The following HECTD2 variants were observed in gnomAD, a reference collection of about 807,000 sequenced individuals.
HECTD2 encodes probable E3 ubiquitin-protein ligase HECTD2.
Under a neutral mutation model 103.2 loss-of-function variants are expected in HECTD2, and 35 were observed. The ratio of observed to expected loss-of-function variants is 0.34; its 90% CI spans 0.26 to 0.45. The LOEUF is 0.45. Ranked by LOEUF, HECTD2 falls within the 20% of genes least tolerant of loss-of-function variation. The probability of loss-of-function intolerance (pLI) is 1.00; values close to 1 mark genes in which losing one functional copy is unlikely to be tolerated. For missense variants in HECTD2, 596 were observed against 937.4 expected, an observed-to-expected ratio of 0.64 and a Z score of 4.76; for synonymous variants, 281 against 329.9, an observed-to-expected ratio of 0.85 and a Z score of 1.61.
chr10:91,495,519 A>G (rs922284117), intron 14 of HECTD2, among the ~76,000 whole-genome samples: 2 of 152,126 alleles, frequency 1.3e-5, no homozygotes, highest in African/African-American at 4.8e-5. Flanking sequence ...TTTATATAAT[A>G]ATTGACTGTT....
At chr10:91,495,210 G>A (rs1428640220) in intron 14 of HECTD2, among the ~76,000 whole-genome samples, 2 of 151,858 alleles carry the variant, frequency 1.3e-5, no homozygotes, top group Non-Finnish European at 2.9e-5. Flanking sequence ...GTAAGGAGTT[G>A]GGAACTGAAA....
intron 2 of HECTD2, among the ~76,000 whole-genome samples, chr10:91,451,121 C>G (rs534739714): frequency 6.6e-6 from 1 of 152,272 alleles, no homozygotes; most frequent in Non-Finnish European, 1.5e-5. Context: ...GGAACCAACC[C>G]AAATGCCCGT....
intron 1 of HECTD2, among the ~76,000 whole-genome samples, chr10:91,419,342 C>T (rs911225240): frequency 1.3e-5 from 2 of 151,990 alleles, no homozygotes; most frequent in African/African-American, 4.8e-5. Flanking sequence ...AAAGTAGGAA[C>T]TCATGTATTC....
At chr10:91,449,702 C>T (rs1390106360) in intron 2 of HECTD2, among the ~76,000 whole-genome samples, 2 of 152,142 alleles carry the variant, frequency 1.3e-5, no homozygotes, top group African/African-American at 2.4e-5. Flanking sequence ...TCTCAGGATA[C>T]AAAATCAATG....
Position 91,513,816 on chromosome 10 carries a change from C to T in HECTD2, c.*1432C>T, listed in dbSNP as rs771782775. On this transcript the variant is annotated 3_prime_UTR_variant, in exon 21 of 21. Transcript: ENST00000298068. Reference sequence around the variant, plus strand: ...CTTCCTGCACCCAACCAGCAGAATTCTTCCAGGGTGGAGGAACTAATCAGC... The same window carrying T: ...CTTCCTGCACCCAACCAGCAGAATTTTTCCAGGGTGGAGGAACTAATCAGC... The T allele has an allele frequency of 1.3e-5, 2 of 152,618 alleles. No homozygotes were observed. Among genetic ancestry groups the T allele is most frequent in the Non-Finnish European group, 2.9e-5 (2 of 68,030 alleles). 9.5% of individuals were successfully genotyped at this position (152,618 alleles called of 1,614,324 possible).
intron 2 of HECTD2, among the ~76,000 whole-genome samples, chr10:91,443,329 T>C (rs1844442767): frequency 7.4e-6 from 1 of 134,598 alleles, no homozygotes; most frequent in African/African-American, 3.0e-5. Flanking sequence ...GTTTTCCTTC[T>C]AACAGTTAGA....
In HECTD2 at chr10:91,487,526, TAAAAG is replaced by T. The variant is rs773970050; in HGVS notation, c.1095-152_1095-148del. 1.3e-5 allele frequency: 9 copies of T among 684,618 alleles called. No individual in the cohort carries two copies. Among genetic ancestry groups the T allele is most frequent in the Admixed American group, 1.0e-4 (5 of 48,424 alleles). 42.4% of individuals were successfully genotyped at this position (684,618 alleles called of 1,614,324 possible). On this transcript the variant is annotated intron_variant, in intron 10 of 20. Coordinates refer to ENST00000298068, the MANE Select transcript of HECTD2 (RefSeq NM_182765.6). The surrounding 1 kb of genome is among the most constrained non-coding windows in gnomAD (Gnocchi z 4.1). The stretch of plus-strand genomic sequence containing the variant: ...ACATTCTTCACATGGCTGTGAGAAT[TAAAAG>T]AAATTATACACATACAATCATTTTG...
chr10:91,498,110 G>C lies in HECTD2; in HGVS notation c.1683G>C (p.Glu561Asp). The change falls in exon 16 of 21, where the codon GAG (glutamate) becomes GAC (aspartate). Residue 561 changes from glutamate (E) to aspartate (D), a missense_variant and splice_region_variant. Around this residue, in one of 4 missense-constraint regions of HECTD2, gnomAD observed 303 missense variants for 522.5 expected, o/e 0.58. Coordinates refer to ENST00000298068, the MANE Select transcript of HECTD2 (RefSeq NM_182765.6). ...CATTAACAGATTTCTTTTTATAGGA[G>C]TTGGCCCATGGATTAAGTGAACTCT... ...TVDDLCQIMP[E>D]LAHGLSELLS... 6.2e-7 allele frequency: 1 copy of C among 1,606,172 alleles called. No homozygotes were observed. Among genetic ancestry groups the C allele is most frequent in the East Asian group, 2.2e-5 (1 of 44,700 alleles).
chr10:91,454,706 C>T (rs1036433391), intron 2 of HECTD2, among the ~76,000 whole-genome samples: 3 of 152,002 alleles, frequency 2.0e-5, no homozygotes, highest in Non-Finnish European at 4.4e-5. Flanking sequence ...TCTCCTAATG[C>T]TATCGCTCCC....
chr10:91,411,148 G>C (rs1017631458), intron 1 of HECTD2, among the ~76,000 whole-genome samples: 3 of 152,094 alleles, frequency 2.0e-5, no homozygotes, highest in South Asian at 2.1e-4. Context: ...TGACTCAGGT[G>C]GGGGGAGGCT....
intron 18 of HECTD2, 29 bp downstream of exon 18, chr10:91,499,179 C>T (rs538202611): frequency 2.1e-5 from 28 of 1,361,516 alleles, no homozygotes; most frequent in Middle Eastern, 2.1e-4. Flanking sequence ...ATCAAGCTTT[C>T]GGTTAGCTTT....
chr10:91,416,540 A>G (rs1166737378), intron 1 of HECTD2, among the ~76,000 whole-genome samples: 2 of 151,904 alleles, frequency 1.3e-5, no homozygotes, highest in South Asian at 2.1e-4. Flanking sequence ...CATATAACCT[A>G]GGTGTGTAGT....
chr10:91,510,302 C>T (rs1170393663), intron 20 of HECTD2, among the ~76,000 whole-genome samples: 2 of 152,302 alleles, frequency 1.3e-5, no homozygotes, highest in African/African-American at 2.4e-5. Flanking sequence ...TTTCAAATTA[C>T]ATCCTTTTCC....
At chr10:91,475,561 A>G (rs985511125) in intron 5 of HECTD2, among the ~76,000 whole-genome samples, 1 of 152,234 alleles carries the variant, frequency 6.6e-6, no homozygotes, top group African/African-American at 2.4e-5. Flanking sequence ...AGACTTTAAT[A>G]TGCCTATTTG....
intron 5 of HECTD2, among the ~76,000 whole-genome samples, chr10:91,468,200 C>T (rs2133228196): frequency 6.6e-6 from 1 of 152,254 alleles, no homozygotes; most frequent in African/African-American, 2.4e-5. Context: ...CCTTTTGGCA[C>T]AGCAGGTTCC....
At chr10:91,410,296 G>GGGCGGGGGCGGAGTGGC, upstream of HECTD2, 1 of 268,672 alleles carries the variant, frequency 3.7e-6, no homozygotes, top group Non-Finnish European at 5.8e-6. Flanking sequence ...GCGCGGGCGC[G>GGGCGGGGGCGGAGTGGC]GGCGGGGGCG....
chr10:91,436,984 C>T (rs544169604), intron 2 of HECTD2, among the ~76,000 whole-genome samples: 5 of 152,114 alleles, frequency 3.3e-5, no homozygotes, highest in East Asian at 1.9e-4. Flanking sequence ...TTAAAATATG[C>T]TCAGTCTGAC....
intron 2 of HECTD2, among the ~76,000 whole-genome samples, chr10:91,437,619 C>CTTTTTT (rs59785873): frequency 3.4e-5 from 3 of 87,420 alleles, no homozygotes; most frequent in African/African-American, 6.6e-5. Flanking sequence ...GATGGTTGTT[C>CTTTTTT]TTTTTTTTTT....
At chr10:91,505,087 C>T (rs1330519925) in intron 20 of HECTD2, among the ~76,000 whole-genome samples, 1 of 151,642 alleles carries the variant, frequency 6.6e-6, no homozygotes, top group African/African-American at 2.4e-5. Flanking sequence ...GATTTTGTCA[C>T]CACCAGGCCT....
Sources: allele counts gnomAD v4.1 joint callset (sites outside exome capture counted in the v4.1 genomes callset), GRCh38; gene constraint gnomAD v4.1.1; regional missense constraint gnomAD v4.1.1; non-coding constraint Gnocchi (gnomAD v3.1); transcripts MANE v1.5; gene names NCBI Gene and HGNC (gene_info 2026-07-23, HGNC 2026-07-21).